ZNF385D: variants seen among roughly 807,000 people sequenced by gnomAD.
The protein encoded by ZNF385D is zinc finger protein 659.
In ZNF385D, 15 loss-of-function variants were observed where a neutral mutation model predicts 35.8. That is an observed-to-expected ratio of 0.42 (90% CI 0.28 to 0.64). The LOEUF is 0.64. Among genes scored for constraint, ZNF385D ranks in the 30% least tolerant of loss-of-function variants. The pLI is 0.23. For missense variants in ZNF385D, 474 were observed against 494.6 expected (o/e 0.96, Z 0.39); for synonymous variants, 212 against 186.8 (o/e 1.13, Z -1.10).
intron 4 of ZNF385D, among the ~76,000 whole-genome samples, chr3:21,490,274 T>G (rs572168823): frequency 1.6e-4 from 24 of 152,176 alleles, no homozygotes; most frequent in Admixed American, 2.6e-4. Context: ...CAAGAAATCC[T>G]CCTACCTCAG....
At chr3:22,034,955 A>G (rs1421503358) in intron 3 of ZNF385D, among the ~76,000 whole-genome samples, 2 of 152,234 alleles carry the variant, frequency 1.3e-5, no homozygotes, top group Non-Finnish European at 1.5e-5. Context: ...CAAATACTTT[A>G]AAACATATCA....
intron 4 of ZNF385D, among the ~76,000 whole-genome samples, chr3:21,492,912 A>G (rs1705544723): frequency 6.6e-6 from 1 of 152,042 alleles, no homozygotes; most frequent in Non-Finnish European, 1.5e-5. Flanking sequence ...AATAAAGGGA[A>G]TAATAGTGAA....
intron 3 of ZNF385D, among the ~76,000 whole-genome samples, chr3:21,785,575 T>C (rs2071657625): frequency 1.3e-5 from 2 of 152,330 alleles, no homozygotes; most frequent in Non-Finnish European, 2.9e-5. Context: ...CTCCTCAGCC[T>C]CTGGCAACCA....
At chr3:21,769,152 C>T (rs903344886) in intron 3 of ZNF385D, among the ~76,000 whole-genome samples, 2 of 152,058 alleles carry the variant, frequency 1.3e-5, no homozygotes, top group Non-Finnish European at 2.9e-5. Context: ...AAACTGGAAA[C>T]ATTCCCTTTG....
chr3:21,612,110 G>A (rs1011993382), intron 2 of ZNF385D, among the ~76,000 whole-genome samples: 1 of 151,916 alleles, frequency 6.6e-6, no homozygotes, highest in Admixed American at 6.6e-5. Context: ...ATGGAGTGTC[G>A]CTCTGTAGCC....
chr3:21,414,714 A>C lies in ZNF385D; in HGVS notation c.*6500T>G, dbSNP rs1258442656. Reference sequence around the variant, plus strand: ...GGTAGTGAAGCCAACAACTGTGTTCACTGTTCTGTGATGCTCGATCTTGTG... The same window carrying C: ...GGTAGTGAAGCCAACAACTGTGTTCCCTGTTCTGTGATGCTCGATCTTGTG... On this transcript the variant is annotated 3_prime_UTR_variant, in exon 8 of 8. Transcript: ENST00000281523. 1 of 152,108 alleles carries C rather than the reference A, an allele frequency of 6.6e-6. No homozygotes were observed. Among genetic ancestry groups the C allele is most frequent in the Non-Finnish European group, 1.5e-5 (1 of 67,998 alleles). The allele number at this position is 152,108 out of a possible 1,614,324, so 9.4% of individuals were successfully genotyped here.
intron 2 of ZNF385D, among the ~76,000 whole-genome samples, chr3:22,235,663 T>C (rs1699137963): frequency 6.6e-6 from 1 of 152,132 alleles, no homozygotes; most frequent in Non-Finnish European, 1.5e-5. Flanking sequence ...CATAAAAATA[T>C]GCTCAAGTAT....
intron 2 of ZNF385D, among the ~76,000 whole-genome samples, chr3:22,280,157 G>A (rs138200386): frequency 2.2e-4 from 34 of 152,082 alleles, no homozygotes; most frequent in African/African-American, 7.9e-4. Flanking sequence ...TGAGTTCCTT[G>A]TAGATTCTGG....
intron 2 of ZNF385D, among the ~76,000 whole-genome samples, chr3:22,325,757 C>CA (rs1373433405): frequency 6.6e-5 from 10 of 151,314 alleles, no homozygotes; most frequent in South Asian, 2.1e-4. Flanking sequence ...GACTCTGTCT[C>CA]AAAAAAACAA....
chr3:22,091,492 G>A (rs922091141), intron 3 of ZNF385D, among the ~76,000 whole-genome samples: 5 of 152,064 alleles, frequency 3.3e-5, no homozygotes, highest in African/African-American at 1.2e-4. Context: ...GAACACCCTG[G>A]TCTGTAGAGA....
At chr3:22,258,856 A>G (rs1700458944) in intron 2 of ZNF385D, among the ~76,000 whole-genome samples, 2 of 151,784 alleles carry the variant, frequency 1.3e-5, no homozygotes, top group African/African-American at 4.8e-5. Context: ...AGTTGTGAAA[A>G]TCTCTTTGCT....
intron 3 of ZNF385D, among the ~76,000 whole-genome samples, chr3:21,941,654 C>G (rs940516818): frequency 6.6e-6 from 1 of 151,870 alleles, no homozygotes; most frequent in African/African-American, 2.4e-5. Context: ...CCCGCCACCA[C>G]GTCCGGATAA....
chr3:21,766,189 G>A (rs191392042), intron 3 of ZNF385D, among the ~76,000 whole-genome samples: 3 of 152,066 alleles, frequency 2.0e-5, no homozygotes, highest in African/African-American at 7.2e-5. Flanking sequence ...CAGATCTCCA[G>A]ATGAGAGACC....
At chr3:21,802,300 C>G (rs6550625) in intron 3 of ZNF385D, among the ~76,000 whole-genome samples, 112,183 of 152,052 alleles carry the variant, frequency 0.74, 41,599 homozygotes, top group African/African-American at 0.8. Context: ...TAATCATGAT[C>G]ATGGGGTAAT....
chr3:22,288,137 G>T (rs1278897081), intron 2 of ZNF385D, among the ~76,000 whole-genome samples: 6 of 152,086 alleles, frequency 3.9e-5, no homozygotes, highest in African/African-American at 1.4e-4. Context: ...TAGTTTTACG[G>T]AAGTTTCCTT....
intron 2 of ZNF385D, among the ~76,000 whole-genome samples, chr3:22,195,653 A>G (rs112036774): frequency 3.1e-3 from 468 of 152,162 alleles, no homozygotes; most frequent in African/African-American, 0.011. Flanking sequence ...TTACACTACT[A>G]ACAAAGCATG....
chr3:22,057,631 T>A (rs1031274870), intron 3 of ZNF385D, among the ~76,000 whole-genome samples: 1 of 151,846 alleles, frequency 6.6e-6, no homozygotes, highest in African/African-American at 2.4e-5. Flanking sequence ...TGTCTCAACC[T>A]CCCGAGTAGC....
At chr3:21,841,858 CTTTT>C (rs200928644) in intron 3 of ZNF385D, among the ~76,000 whole-genome samples, 149 of 151,562 alleles carry the variant, frequency 9.8e-4, no homozygotes, top group African/African-American at 2.9e-3. Flanking sequence ...TGCCTTTATA[CTTTT>C]TTTGTTTCTA....
At chr3:22,229,347 G>C (rs1330623664) in intron 2 of ZNF385D, among the ~76,000 whole-genome samples, 1 of 152,178 alleles carries the variant, frequency 6.6e-6, no homozygotes, top group Non-Finnish European at 1.5e-5. Context: ...ATTGTTCTGT[G>C]ACCCCAACTT....
Sources: gnomAD v4.1 joint callset for allele counts (sites outside exome capture counted in the v4.1 genomes callset) on GRCh38, gnomAD v4.1.1 for gene constraint, MANE v1.5 for transcripts, NCBI Gene and HGNC (gene_info 2026-07-23, HGNC 2026-07-21) for gene names.